CTNNA3: variants seen among roughly 807,000 people sequenced by gnomAD.
CTNNA3 encodes catenin alpha-3.
A neutral mutation model predicts 95.7 loss-of-function variants in CTNNA3; 76 were observed. That is an observed-to-expected ratio of 0.79 (90% confidence interval 0.66 to 0.96). CTNNA3 has a LOEUF of 0.96. Among genes scored for constraint, CTNNA3 ranks in the 40% least tolerant of loss-of-function variants. The pLI, the probability that CTNNA3 is intolerant of heterozygous loss-of-function variation, is 0.00. For synonymous variants in CTNNA3, 431 were observed against 374.4 expected, an observed-to-expected ratio of 1.15 and a Z score of -1.74; for missense variants, 1,191 against 1,089.8, an observed-to-expected ratio of 1.09 and a Z score of -1.31.
intron 13 of CTNNA3, among the ~76,000 whole-genome samples, chr10:66,200,514 C>T (rs1329700604): frequency 6.6e-6 from 1 of 152,072 alleles, no homozygotes; most frequent in African/African-American, 2.4e-5. Context: ...CTGAACTAGC[C>T]AGTTTTGGAA....
At chr10:67,726,841 T>C (rs1841233361) in intron 1 of CTNNA3, among the ~76,000 whole-genome samples, 1 of 113,370 alleles carries the variant, frequency 8.8e-6, no homozygotes, top group African/African-American at 3.6e-5. Flanking sequence ...ATATATAATA[T>C]ATAGTATAAT....
At position 66,098,305 on chromosome 10, in the gene CTNNA3, T is replaced by C. The variant is rs576583700; in HGVS notation, c.1977+4852A>G. On this transcript the variant is annotated intron_variant, in intron 14 of 17. Transcript: ENST00000433211. ...ATTCCAGTTTACAAGTGTGCTGTACTGGAAAGAGAACATGTTTGAGGCCAA... is the reference window on the plus strand; with the variant it reads ...ATTCCAGTTTACAAGTGTGCTGTACCGGAAAGAGAACATGTTTGAGGCCAA... Among the ~76,000 whole-genome samples the C allele has an allele frequency of 8.5e-5, 13 of 152,286 alleles. 1 individual carries two copies. The highest frequency in any genetic ancestry group is 6.2e-4 in the South Asian group (3 of 4,826).
intron 13 of CTNNA3, among the ~76,000 whole-genome samples, chr10:66,143,332 T>C (rs1053121061): frequency 6.6e-6 from 1 of 152,128 alleles, no homozygotes; most frequent in African/African-American, 2.4e-5. Flanking sequence ...ATCAGGTTTT[T>C]AAAAAATTTT....
intron 2 of CTNNA3, among the ~76,000 whole-genome samples, chr10:67,632,821 C>G (rs1839189247): frequency 6.6e-6 from 1 of 152,048 alleles, no homozygotes; most frequent in Non-Finnish European, 1.5e-5. Context: ...GGATCCCTGG[C>G]AAGACGAGAG....
At chr10:66,653,403 G>GA (rs1845975865) in intron 9 of CTNNA3, among the ~76,000 whole-genome samples, 2 of 19,538 alleles carry the variant, frequency 1.0e-4, no homozygotes, top group Admixed American at 1.0e-3. Flanking sequence ...AAATTTAAAC[G>GA]AGGTAAAAGA....
intron 13 of CTNNA3, among the ~76,000 whole-genome samples, chr10:66,248,200 T>C (rs527936932): frequency 6.6e-6 from 1 of 152,150 alleles, no homozygotes; most frequent in East Asian, 1.9e-4. Flanking sequence ...GATTATAAGA[T>C]AGTATTTGCA....
intron 12 of CTNNA3, among the ~76,000 whole-genome samples, chr10:66,283,395 C>A (rs932341573): frequency 2.6e-5 from 4 of 151,886 alleles, no homozygotes; most frequent in African/African-American, 9.6e-5. Context: ...TTAATACTTT[C>A]AATCTGCTAT....
chr10:67,583,179 T>C (rs1339840201), intron 3 of CTNNA3, among the ~76,000 whole-genome samples: 3 of 152,170 alleles, frequency 2.0e-5, no homozygotes, highest in African/African-American at 7.2e-5. Flanking sequence ...ATTGGCATGG[T>C]TTTGCAGTGG....
chr10:65,946,565 C>T (rs1310470736), intron 17 of CTNNA3, among the ~76,000 whole-genome samples: 1 of 152,146 alleles, frequency 6.6e-6, no homozygotes, highest in Non-Finnish European at 1.5e-5. Context: ...CATCACCTTG[C>T]ATTCTTAGAA....
intron 7 of CTNNA3, among the ~76,000 whole-genome samples, chr10:66,929,437 G>A (rs1847249399): frequency 6.6e-6 from 1 of 152,156 alleles, no homozygotes; most frequent in Non-Finnish European, 1.5e-5. Flanking sequence ...GTTCTGTTCA[G>A]AATTTGTCAG....
At chr10:65,940,742 A>C (rs2077416905) in intron 17 of CTNNA3, among the ~76,000 whole-genome samples, 2 of 152,150 alleles carry the variant, frequency 1.3e-5, no homozygotes, top group Admixed American at 6.6e-5. Context: ...TTCCCAGTTA[A>C]ATTTTGGGAT....
At chr10:66,011,951 T>A (rs2079012881) in intron 15 of CTNNA3, among the ~76,000 whole-genome samples, 1 of 152,194 alleles carries the variant, frequency 6.6e-6, no homozygotes, top group Non-Finnish European at 1.5e-5. Flanking sequence ...CCCTGCTGTC[T>A]GCAACATAGA....
chr10:67,033,544 T>A (rs10997489), intron 7 of CTNNA3, among the ~76,000 whole-genome samples: 56,809 of 152,096 alleles, frequency 0.37, 11,771 homozygotes, highest in East Asian at 0.51. Context: ...ATAGTTCACT[T>A]CTACTACTTA....
chr10:66,302,289 A>T (rs1005561122), intron 12 of CTNNA3, among the ~76,000 whole-genome samples: 3 of 152,044 alleles, frequency 2.0e-5, no homozygotes, highest in African/African-American at 7.2e-5. Flanking sequence ...CCCTATCAAA[A>T]TTCCAGCCAG....
chr10:67,284,544 T>C (rs1839519832), intron 5 of CTNNA3, among the ~76,000 whole-genome samples: 1 of 152,172 alleles, frequency 6.6e-6, no homozygotes, highest in African/African-American at 2.4e-5. Flanking sequence ...AAAAAAAAAT[T>C]AATGTTTTAA....
intron 6 of CTNNA3, among the ~76,000 whole-genome samples, chr10:67,193,358 T>C (rs1863206225): frequency 6.6e-6 from 1 of 152,060 alleles, no homozygotes; most frequent in Non-Finnish European, 1.5e-5. Flanking sequence ...ATAATTTTCC[T>C]AAACCTTTTA....
At chr10:66,928,118 CCA>C in intron 7 of CTNNA3, 1 of 1,614,096 alleles carries the variant, frequency 6.2e-7, no homozygotes, top group Non-Finnish European at 8.5e-7. Context: ...ACGGTGGGAG[CCA>C]CAGAGCCCGG....
intron 1 of CTNNA3, among the ~76,000 whole-genome samples, chr10:67,650,324 C>A (rs1839840130): frequency 6.6e-6 from 1 of 152,036 alleles, no homozygotes; most frequent in Non-Finnish European, 1.5e-5. Flanking sequence ...AAACTTTTAT[C>A]CAAAAGAGAT....
chr10:67,266,887 G>A (rs1169392156), intron 5 of CTNNA3, among the ~76,000 whole-genome samples: 1 of 152,164 alleles, frequency 6.6e-6, no homozygotes, highest in African/African-American at 2.4e-5. Context: ...ATTCCACACT[G>A]TATACATACA....
Sources: gnomAD v4.1 joint callset for allele counts (sites outside exome capture counted in the v4.1 genomes callset) on GRCh38, gnomAD v4.1.1 for gene constraint, MANE v1.5 for transcripts, NCBI Gene and HGNC (gene_info 2026-07-23, HGNC 2026-07-21) for gene names.